FHIT: variants seen among roughly 807,000 people sequenced by gnomAD.
FHIT encodes bis(5'-adenosyl)-triphosphatase.
In FHIT, 19 loss-of-function variants were observed where a neutral mutation model predicts 17.9. The observed-to-expected ratio is 1.06, with a 90% CI of 0.74 to 1.56. The LOEUF is 1.56. Ranked by LOEUF, FHIT falls within the 40% of genes most tolerant of loss-of-function variation. FHIT has a pLI of 0.00. For missense variants in FHIT, 248 were observed against 189.2 expected, an observed-to-expected ratio of 1.31 and a Z score of -1.82; for synonymous variants, 81 against 69.7, an observed-to-expected ratio of 1.16 and a Z score of -0.81.
At chr3:60,832,115 C>G (rs2106820796) in intron 3 of FHIT, among the ~76,000 whole-genome samples, 1 of 152,124 alleles carries the variant, frequency 6.6e-6, no homozygotes, top group Middle Eastern at 3.4e-3. Flanking sequence ...TCATTATGTG[C>G]TGGGCACCAT....
intron 5 of FHIT, among the ~76,000 whole-genome samples, chr3:60,432,408 A>G (rs1702946915): frequency 6.6e-6 from 1 of 152,126 alleles, no homozygotes; most frequent in South Asian, 2.1e-4. Flanking sequence ...AAAAGGAAAG[A>G]GCTCTGAGGG....
At chr3:60,630,168 T>G (rs1247089069) in intron 4 of FHIT, among the ~76,000 whole-genome samples, 1 of 152,236 alleles carries the variant, frequency 6.6e-6, no homozygotes, top group Non-Finnish European at 1.5e-5. Flanking sequence ...CCAGGAGGTC[T>G]GGCTTCATTT....
chr3:59,755,081 A>C (rs1461271111), intron 8 of FHIT, among the ~76,000 whole-genome samples: 2 of 152,178 alleles, frequency 1.3e-5, no homozygotes, highest in Non-Finnish European at 2.9e-5. Flanking sequence ...AAGTGTGTAG[A>C]TAGAGCCCAC....
intron 5 of FHIT, among the ~76,000 whole-genome samples, chr3:60,465,564 G>T (rs2032742785): frequency 2.0e-5 from 3 of 152,044 alleles, no homozygotes; most frequent in African/African-American, 4.8e-5. Context: ...TTTGATTTTT[G>T]TATATGGCAA....
chr3:61,219,144 T>C (rs1234173688), intron 1 of FHIT, among the ~76,000 whole-genome samples: 1 of 152,072 alleles, frequency 6.6e-6, no homozygotes. Flanking sequence ...TTTGTGTATC[T>C]AAACATCTAA....
chr3:60,360,336 G>T (rs78216808), intron 5 of FHIT, among the ~76,000 whole-genome samples: 2,105 of 152,054 alleles, frequency 0.014, 57 homozygotes, highest in African/African-American at 0.048. Context: ...GGCAACTTAA[G>T]GAGGTTCAAG....
At chr3:60,140,154 G>A (rs1699978941) in intron 5 of FHIT, among the ~76,000 whole-genome samples, 1 of 151,982 alleles carries the variant, frequency 6.6e-6, no homozygotes, top group African/African-American at 2.4e-5. Flanking sequence ...GTAGATTACA[G>A]ATTGATAATT....
intron 5 of FHIT, among the ~76,000 whole-genome samples, chr3:60,405,450 A>C (rs1701821359): frequency 6.6e-6 from 1 of 152,174 alleles, no homozygotes. Flanking sequence ...CTCCACTGAA[A>C]GCTGTTTCAA....
intron 2 of FHIT, among the ~76,000 whole-genome samples, chr3:61,064,898 T>C (rs1233483375): frequency 6.6e-6 from 1 of 152,124 alleles, no homozygotes; most frequent in Non-Finnish European, 1.5e-5. Flanking sequence ...AACACTTCCA[T>C]CCAGCAAAGG....
Position 60,092,547 on chromosome 3 carries a change from T to C in FHIT, c.104-78395A>G, listed in dbSNP as rs570623517. On this transcript the variant is annotated intron_variant, in intron 5 of 9. Coordinates refer to ENST00000492590, the MANE Select transcript of FHIT (RefSeq NM_002012.4). Reference sequence around the variant, plus strand: ...AAACATGATAGCATTTCTAGATTGATTCCATTCAGAGGTGCTTTTATTTCA... The same window carrying C: ...AAACATGATAGCATTTCTAGATTGACTCCATTCAGAGGTGCTTTTATTTCA... 3.4e-4 allele frequency among the ~76,000 whole-genome samples: 52 copies of C among 152,324 alleles called. 1 individual carries two copies. In the South Asian group the frequency reaches 0.01, roughly 30 times the overall value.
intron 3 of FHIT, among the ~76,000 whole-genome samples, chr3:60,863,104 C>CA (rs1382707023): frequency 6.6e-6 from 1 of 152,080 alleles, no homozygotes; most frequent in African/African-American, 2.4e-5. Context: ...GAGGGAAAGT[C>CA]AGATTCCAAA....
At chr3:60,081,145 G>A (rs1024199970) in intron 5 of FHIT, among the ~76,000 whole-genome samples, 1 of 152,106 alleles carries the variant, frequency 6.6e-6, no homozygotes, top group Non-Finnish European at 1.5e-5. Flanking sequence ...GTGCAGGAAT[G>A]TTCCCATTAG....
intron 8 of FHIT, among the ~76,000 whole-genome samples, chr3:59,761,038 TG>T (rs1701489558): frequency 6.6e-6 from 1 of 152,180 alleles, no homozygotes; most frequent in South Asian, 2.1e-4. Flanking sequence ...GGAACTGGGC[TG>T]TGAGGAGCTA....
chr3:60,273,365 T>G (rs1706962175), intron 5 of FHIT, among the ~76,000 whole-genome samples: 1 of 152,096 alleles, frequency 6.6e-6, no homozygotes, highest in African/African-American at 2.4e-5. Context: ...TCCCAGCACT[T>G]TGGGAGGCCG....
At chr3:60,715,033 T>C (rs1446571839) in intron 4 of FHIT, among the ~76,000 whole-genome samples, 2 of 152,116 alleles carry the variant, frequency 1.3e-5, no homozygotes, top group African/African-American at 4.8e-5. Flanking sequence ...GACTTCAAAC[T>C]ATACTACAAG....
At chr3:61,097,528 C>G (rs1296320373) in intron 2 of FHIT, among the ~76,000 whole-genome samples, 1 of 152,168 alleles carries the variant, frequency 6.6e-6, no homozygotes, top group Non-Finnish European at 1.5e-5. Context: ...AATCGTCACA[C>G]TGTCTTCCAC....
intron 8 of FHIT, among the ~76,000 whole-genome samples, chr3:59,795,400 C>T (rs1245287306): frequency 6.8e-6 from 1 of 147,888 alleles, no homozygotes; most frequent in Non-Finnish European, 1.5e-5. Context: ...AAAAAAATAC[C>T]ATAACATTTT....
chr3:61,173,782 T>G (rs2038080388), intron 2 of FHIT, among the ~76,000 whole-genome samples: 1 of 152,198 alleles, frequency 6.6e-6, no homozygotes, highest in Admixed American at 6.5e-5. Flanking sequence ...AGAAGTAGCT[T>G]TATACACACA....
chr3:60,372,056 A>G (rs1700352787), intron 5 of FHIT, among the ~76,000 whole-genome samples: 1 of 152,158 alleles, frequency 6.6e-6, no homozygotes, highest in African/African-American at 2.4e-5. Context: ...TTTTCATTAC[A>G]TACATCACTG....
Sources: allele counts gnomAD v4.1 joint callset (sites outside exome capture counted in the v4.1 genomes callset), GRCh38; gene constraint gnomAD v4.1.1; transcripts MANE v1.5; gene names NCBI Gene and HGNC (gene_info 2026-07-23, HGNC 2026-07-21).